Variants in CAB39 observed in about 807,000 individuals in gnomAD.
CAB39 encodes calcium-binding protein 39.
In CAB39, 8 loss-of-function variants were observed where a neutral mutation model predicts 40.0. The observed-to-expected ratio is 0.20, with a 90% CI of 0.12 to 0.36. CAB39 has a LOEUF of 0.36. Ranked by LOEUF, CAB39 falls within the 10% of genes least tolerant of loss-of-function variation. CAB39 has a pLI of 1.00. For synonymous variants in CAB39, 156 were observed against 141.6 expected, an observed-to-expected ratio of 1.10 and a Z score of -0.72; for missense variants, 270 against 401.1, an observed-to-expected ratio of 0.67 and a Z score of 2.79.
chr2:230,747,136 A>C (rs1694990982), intron 1 of CAB39, among the ~76,000 whole-genome samples: 1 of 152,088 alleles, frequency 6.6e-6, no homozygotes, highest in Non-Finnish European at 1.5e-5. Context: ...GGTGCAGGAG[A>C]ATCGCTTAAA....
At chr2:230,724,641 A>G (rs1018287802) in intron 1 of CAB39, among the ~76,000 whole-genome samples, 2 of 143,444 alleles carry the variant, frequency 1.4e-5, no homozygotes, top group African/African-American at 5.2e-5. Flanking sequence ...AGATCGCGCC[A>G]TTGCACTCCA....
At chr2:230,800,191 T>G (rs1575955792) in intron 5 of CAB39, among the ~76,000 whole-genome samples, 1 of 152,228 alleles carries the variant, frequency 6.6e-6, no homozygotes, top group South Asian at 2.1e-4. Flanking sequence ...GAGCACACAC[T>G]TTGGTCTCTG....
At chr2:230,714,440 T>C (rs943610058) in intron 1 of CAB39, among the ~76,000 whole-genome samples, 1 of 152,210 alleles carries the variant, frequency 6.6e-6, no homozygotes, top group Non-Finnish European at 1.5e-5. Context: ...AAAGCTTCAT[T>C]AGATATCAGG....
chr2:230,809,299 A>C (rs918121017), intron 5 of CAB39, among the ~76,000 whole-genome samples: 1 of 152,244 alleles, frequency 6.6e-6, no homozygotes, highest in African/African-American at 2.4e-5. Flanking sequence ...GCATACTTCA[A>C]GAAACACTAG....
At chr2:230,801,835 C>G (rs373166753) in intron 5 of CAB39, among the ~76,000 whole-genome samples, 15 of 151,630 alleles carry the variant, frequency 9.9e-5, no homozygotes, top group African/African-American at 3.4e-4. Context: ...CTCCACTGCA[C>G]TCCACCCTGG....
At chr2:230,746,437 A>G (rs947736676) in intron 1 of CAB39, among the ~76,000 whole-genome samples, 3 of 152,250 alleles carry the variant, frequency 2.0e-5, no homozygotes, top group African/African-American at 7.2e-5. Context: ...GACGCTGCAT[A>G]ACAGGATGGC....
chr2:230,762,209 G>A (rs1695307927), intron 2 of CAB39, among the ~76,000 whole-genome samples: 2 of 151,982 alleles, frequency 1.3e-5, no homozygotes, highest in South Asian at 4.2e-4. Context: ...TGCCCAGCTG[G>A]TAAGTGGTAT....
intron 5 of CAB39, among the ~76,000 whole-genome samples, chr2:230,807,281 G>T (rs1365013000): frequency 2.6e-5 from 4 of 151,886 alleles, no homozygotes; most frequent in Non-Finnish European, 4.4e-5. Flanking sequence ...CTAGGCTAAG[G>T]TTCCTTCTCA....
At chr2:230,714,338 G>A (rs1694311250) in intron 1 of CAB39, among the ~76,000 whole-genome samples, 3 of 152,204 alleles carry the variant, frequency 2.0e-5, no homozygotes, top group Admixed American at 1.3e-4. Flanking sequence ...GACATTCTGT[G>A]CCTTGAATGT....
intron 1 of CAB39, among the ~76,000 whole-genome samples, chr2:230,735,073 C>T (rs1694762687): frequency 6.6e-6 from 1 of 152,064 alleles, no homozygotes; most frequent in Non-Finnish European, 1.5e-5. Flanking sequence ...GCCCTGATAC[C>T]CCTTGAATTC....
intron 2 of CAB39, among the ~76,000 whole-genome samples, chr2:230,772,218 C>T (rs1314030380): frequency 1.3e-5 from 2 of 152,098 alleles, no homozygotes; most frequent in Non-Finnish European, 2.9e-5. Context: ...CAGAATTTAA[C>T]AGTTAGAAAC....
Position 230,762,088 on chromosome 2 carries a change from A to G in CAB39, c.114+1973A>G, listed in dbSNP as rs74803033. Among the ~76,000 whole-genome samples the G allele has an allele frequency of 3.3e-5, 5 of 152,092 alleles. No homozygotes were observed. In the East Asian group the frequency reaches 5.8e-4, roughly 18 times the overall value. ...ATGTCCGGCTAATTTTTGTAGTTTT[A>G]GTAGAGACGGGGTTTCACTATATTG... On this transcript the variant is annotated intron_variant, in intron 2 of 8. Transcript: ENST00000258418.
chr2:230,798,176 CTT>C (rs1400397566), intron 4 of CAB39, among the ~76,000 whole-genome samples: 1 of 152,042 alleles, frequency 6.6e-6, no homozygotes, highest in African/African-American at 2.4e-5. Flanking sequence ...GATGGGGACA[CTT>C]TGTGAAGTCC....
Position 230,764,120 on chromosome 2 carries a change from A to C in CAB39, c.114+4005A>C, listed in dbSNP as rs192373151. On this transcript the variant is annotated intron_variant, in intron 2 of 8. Coordinates refer to ENST00000258418, the MANE Select transcript of CAB39 (RefSeq NM_016289.4). ...GTGGGTGACAGAGTAAGACTGTCTC[A>C]AAAACAAAAAAAAAACAAAACAAAG... 1.9e-3 allele frequency among the ~76,000 whole-genome samples: 296 copies of C among 151,982 alleles called. 1 individual carries two copies. In the South Asian group the frequency reaches 0.02, roughly 10 times the overall value.
chr2:230,742,912 ATGAGT>A (rs772129035), intron 1 of CAB39, among the ~76,000 whole-genome samples: 13 of 151,946 alleles, frequency 8.6e-5, no homozygotes, highest in Non-Finnish European at 1.9e-4. Flanking sequence ...AGTTTTTGGT[ATGAGT>A]TAAGAATCTT....
At chr2:230,784,857 T>C (rs1053141634) in intron 2 of CAB39, among the ~76,000 whole-genome samples, 2 of 152,216 alleles carry the variant, frequency 1.3e-5, no homozygotes, top group African/African-American at 4.8e-5. Context: ...GACAGAGTTA[T>C]TTATAACCTG....
intron 1 of CAB39, among the ~76,000 whole-genome samples, chr2:230,748,807 C>CAAAA (rs1559596837): frequency 3.5e-5 from 1 of 28,408 alleles, no homozygotes; most frequent in African/African-American, 1.1e-4. Flanking sequence ...ATTCTATTTC[C>CAAAA]AAAAAGAAAA....
chr2:230,788,162 A>G (rs1695827085), intron 2 of CAB39, among the ~76,000 whole-genome samples: 1 of 151,816 alleles, frequency 6.6e-6, no homozygotes, highest in African/African-American at 2.4e-5. Context: ...AAGTTTTTAT[A>G]GCCTTTATGT....
intron 6 of CAB39, among the ~76,000 whole-genome samples, chr2:230,810,954 C>G (rs1696292923): frequency 2.6e-5 from 4 of 152,182 alleles, no homozygotes; most frequent in Admixed American, 2.6e-4. Flanking sequence ...TTTCCCTAGA[C>G]CCGCACAACT....
Sources: allele counts gnomAD v4.1 joint callset (sites outside exome capture counted in the v4.1 genomes callset), GRCh38; gene constraint gnomAD v4.1.1; transcripts MANE v1.5; gene names NCBI Gene and HGNC (gene_info 2026-07-23, HGNC 2026-07-21).